NGEF: variants seen among roughly 807,000 people sequenced by gnomAD.
The protein encoded by NGEF is ephexin-1.
In NGEF, 31 loss-of-function variants were observed where a neutral mutation model predicts 80.9. The ratio of observed to expected loss-of-function variants is 0.38; its 90% CI spans 0.29 to 0.52. The LOEUF (loss-of-function observed/expected upper bound fraction) is 0.52. Ranked by LOEUF, NGEF falls within the 20% of genes least tolerant of loss-of-function variation. NGEF has a pLI of 0.84. For missense variants in NGEF, 709 were observed against 926.2 expected, an observed-to-expected ratio of 0.77 and a Z score of 3.04; for synonymous variants, 371 against 370.2, an observed-to-expected ratio of 1.00 and a Z score of -0.03.
At chr2:232,985,312 C>T (rs1398946213) in intron 1 of NGEF, among the ~76,000 whole-genome samples, 1 of 152,170 alleles carries the variant, frequency 6.6e-6, no homozygotes, top group Non-Finnish European at 1.5e-5. Flanking sequence ...CACTAGAAGG[C>T]AACATTAAGA....
intron 3 of NGEF, among the ~76,000 whole-genome samples, chr2:232,932,110 T>C (rs1354354388): frequency 1.3e-5 from 2 of 151,998 alleles, no homozygotes; most frequent in Non-Finnish European, 2.9e-5. Flanking sequence ...AAGATACAAG[T>C]GTTCTCTACA....
intron 11 of NGEF, 94 bp from the exon 12 acceptor site, chr2:232,883,560 C>T: frequency 1.6e-6 from 2 of 1,250,928 alleles, no homozygotes; most frequent in Non-Finnish European, 1.1e-6. Flanking sequence ...AAGCCTGGCT[C>T]CACAGCGCTG....
chr2:232,906,928 T>C (rs2106261950), intron 5 of NGEF, among the ~76,000 whole-genome samples: 1 of 151,108 alleles, frequency 6.6e-6, no homozygotes, highest in South Asian at 2.1e-4. Flanking sequence ...CACTCAGGGT[T>C]AAATGGATTA....
intron 1 of NGEF, among the ~76,000 whole-genome samples, chr2:233,001,501 G>A (rs1694977239): frequency 1.3e-5 from 2 of 152,190 alleles, no homozygotes; most frequent in Non-Finnish European, 2.9e-5. Flanking sequence ...GGCATGTAGA[G>A]GGTGCTGGGG....
intron 6 of NGEF, among the ~76,000 whole-genome samples, chr2:232,893,852 C>T (rs547803885): frequency 1.4e-4 from 22 of 152,354 alleles, no homozygotes; most frequent in African/African-American, 5.3e-4. Flanking sequence ...CAGCCATCAC[C>T]TCCCAAACCC....
At chr2:232,996,717 A>T (rs1412670334) in intron 1 of NGEF, among the ~76,000 whole-genome samples, 1 of 151,926 alleles carries the variant, frequency 6.6e-6, no homozygotes, top group Admixed American at 6.6e-5. Flanking sequence ...CTGGGCTCGA[A>T]CTCCTAACCT....
chr2:232,885,453 G>T (rs1691647996), intron 9 of NGEF, 84 bp from the exon 10 acceptor site: 14 of 1,126,848 alleles, frequency 1.2e-5, no homozygotes, highest in Non-Finnish European at 1.9e-5. Context: ...CACAGACAGG[G>T]CTGAGTGACC....
At chr2:232,956,812 G>A (rs1379611647) in intron 3 of NGEF, among the ~76,000 whole-genome samples, 2 of 138,844 alleles carry the variant, frequency 1.4e-5, no homozygotes, top group African/African-American at 5.9e-5. Context: ...AAAAAAATTA[G>A]GTTACTGAAA....
intron 5 of NGEF, among the ~76,000 whole-genome samples, chr2:232,900,622 GCT>G (rs1692310986): frequency 4.4e-5 from 3 of 67,556 alleles, no homozygotes; most frequent in South Asian, 4.4e-4. Flanking sequence ...ATACACACAC[GCT>G]CTCACAGTCA....
intron 1 of NGEF, among the ~76,000 whole-genome samples, chr2:232,985,979 A>G (rs190765132): frequency 6.6e-6 from 1 of 152,028 alleles, no homozygotes; most frequent in African/African-American, 2.4e-5. Flanking sequence ...AATTCAGTTT[A>G]TGGCAGGACC....
intron 1 of NGEF, among the ~76,000 whole-genome samples, chr2:232,993,213 C>G (rs925504093): frequency 7.3e-5 from 2 of 27,362 alleles, no homozygotes; most frequent in Non-Finnish European, 1.3e-4. Context: ...TATATTTGCC[C>G]GTATAGATAC....
At chr2:232,931,553 TA>T (rs1428037589) in intron 3 of NGEF, among the ~76,000 whole-genome samples, 1 of 152,208 alleles carries the variant, frequency 6.6e-6, no homozygotes, top group East Asian at 1.9e-4. Context: ...TATTACAAGC[TA>T]TGAGAAAACA....
At chr2:232,889,601 G>A (rs1183944795) in intron 8 of NGEF, among the ~76,000 whole-genome samples, 1 of 152,174 alleles carries the variant, frequency 6.6e-6, no homozygotes, top group Non-Finnish European at 1.5e-5. Context: ...GCATAATTAG[G>A]AAATGTTACT....
intron 5 of NGEF, among the ~76,000 whole-genome samples, chr2:232,909,538 A>G (rs1328694357): frequency 6.6e-6 from 1 of 152,194 alleles, no homozygotes; most frequent in Non-Finnish European, 1.5e-5. Flanking sequence ...AATGGAAGAT[A>G]TTCAATCATT....
chr2:232,996,452 G>C (rs569829487), intron 1 of NGEF, among the ~76,000 whole-genome samples: 3 of 152,302 alleles, frequency 2.0e-5, no homozygotes, highest in Admixed American at 6.5e-5. Context: ...GCCGCTGAGC[G>C]CAGTGATTCT....
chr2:232,884,013 G>A lies in NGEF; in HGVS notation c.1569C>T (p.Asn523=), dbSNP rs145097371. ...LFHEIYLFLF[N]DLLVICRQIP... is the part of the protein sequence containing the mutation. Reference sequence around the variant, plus strand: ...TCTGCCGGCAGATCACCAGCAGGTCGTTGAACAGGAAGAGGTAAATTTCGT... The same window carrying A: ...TCTGCCGGCAGATCACCAGCAGGTCATTGAACAGGAAGAGGTAAATTTCGT... Residue 523 remains asparagine (N), a synonymous_variant, in exon 11 of 15, where the codon AAC becomes AAT. Coordinates refer to ENST00000264051, the MANE Select transcript of NGEF (RefSeq NM_019850.3). 5.5e-5 allele frequency: 88 copies of A among 1,612,678 alleles called. No homozygotes were observed. The highest frequency in any genetic ancestry group is 4.0e-4 in the African/African-American group (30 of 74,994).
intron 5 of NGEF, among the ~76,000 whole-genome samples, chr2:232,916,479 T>C (rs543864396): frequency 2.0e-5 from 3 of 152,012 alleles, no homozygotes; most frequent in Admixed American, 6.5e-5. Flanking sequence ...AAAGAATTAA[T>C]ATCCAGAAGG....
rs553669256 is a variant in NGEF, at chr2:232,966,503, C to A, written c.383+3711G>T. 4.6e-5 allele frequency among the ~76,000 whole-genome samples: 7 copies of A among 152,156 alleles called. No individual in the cohort carries two copies. The South Asian group carries it at 1.5e-3, about 32-fold the overall frequency. On this transcript the variant is annotated intron_variant, in intron 3 of 14. Transcript: ENST00000264051. ...GATGTTTCCGGGTGTGAACAAGGTG[C>A]CTGTTCCCCAGATTCCAGAGATTTC... is the stretch of plus-strand genomic sequence containing the variant.
chr2:232,997,787 G>A (rs1330674531), intron 1 of NGEF, among the ~76,000 whole-genome samples: 4 of 152,118 alleles, frequency 2.6e-5, no homozygotes, highest in East Asian at 3.9e-4. Flanking sequence ...TCTCCTGCTC[G>A]GGGGTGTTAG....
Sources: gnomAD v4.1 joint callset for allele counts (sites outside exome capture counted in the v4.1 genomes callset) on GRCh38, gnomAD v4.1.1 for gene constraint, MANE v1.5 for transcripts, NCBI Gene and HGNC (gene_info 2026-07-23, HGNC 2026-07-21) for gene names.